The following ZMAT4 variants were observed in gnomAD, a reference collection of about 807,000 sequenced individuals.
ZMAT4 encodes the protein zinc finger matrin-type 4, also known as zinc finger matrin-type protein 4.
In ZMAT4, 17 loss-of-function variants were observed where a neutral mutation model predicts 28.7. The observed-to-expected ratio is 0.59, with a 90% CI of 0.41 to 0.89. The LOEUF is 0.89. ZMAT4 is among the 40% of genes least tolerant of loss of function. ZMAT4 has a pLI of 0.00. For synonymous variants in ZMAT4, 117 were observed against 109.2 expected (o/e 1.07, Z -0.44); for missense variants, 240 against 283.8 (o/e 0.85, Z 1.11).
chr8:40,790,625 G>A (rs1449054176), intron 2 of ZMAT4, among the ~76,000 whole-genome samples: 2 of 152,084 alleles, frequency 1.3e-5, no homozygotes, highest in Non-Finnish European at 2.9e-5. Flanking sequence ...AAACATTGTT[G>A]AGAAAAATTG....
intron 1 of ZMAT4, among the ~76,000 whole-genome samples, chr8:40,846,677 G>A (rs1048124356): frequency 2.0e-5 from 3 of 152,208 alleles, no homozygotes; most frequent in Non-Finnish European, 4.4e-5. Context: ...CTCAGGAACT[G>A]CAGGAGCAGG....
intron 1 of ZMAT4, among the ~76,000 whole-genome samples, chr8:40,875,557 G>A (rs1818013556): frequency 6.6e-6 from 1 of 152,192 alleles, no homozygotes; most frequent in South Asian, 2.1e-4. Context: ...TTCCAAATTG[G>A]AAAGAACAGT....
intron 5 of ZMAT4, among the ~76,000 whole-genome samples, chr8:40,596,196 T>C (rs1045143580): frequency 6.6e-6 from 1 of 152,186 alleles, no homozygotes; most frequent in African/African-American, 2.4e-5. Flanking sequence ...TAGAAGTTGC[T>C]CTGGGTGAGT....
chr8:40,592,842 A>T (rs1254898918), intron 5 of ZMAT4, among the ~76,000 whole-genome samples: 1 of 152,238 alleles, frequency 6.6e-6, no homozygotes, highest in East Asian at 1.9e-4. Flanking sequence ...ATCTTCAGAC[A>T]ACCTTGATTT....
At chr8:40,608,837 T>C (rs1190332468) in intron 5 of ZMAT4, among the ~76,000 whole-genome samples, 1 of 152,192 alleles carries the variant, frequency 6.6e-6, no homozygotes, top group East Asian at 1.9e-4. Context: ...AATCCTCCCA[T>C]GATCTGGACC....
chr8:40,850,510 G>A (rs1817063512), intron 1 of ZMAT4, among the ~76,000 whole-genome samples: 1 of 152,068 alleles, frequency 6.6e-6, no homozygotes, highest in Admixed American at 6.6e-5. Context: ...TCTAACTTCC[G>A]CCCCCCAAAA....
intron 1 of ZMAT4, among the ~76,000 whole-genome samples, chr8:40,862,584 T>TAAAAAAAAAAAAAAAAAAAAAAATAA (rs398007582): frequency 1.8e-5 from 2 of 109,948 alleles, no homozygotes; most frequent in Non-Finnish European, 3.6e-5. Context: ...AAAAAAAAAT[T>TAAAAAAAAAAAAAAAAAAAAAAATAA]AAAAAAAAAA....
intron 2 of ZMAT4, among the ~76,000 whole-genome samples, chr8:40,799,652 T>C (rs1814752379): frequency 1.3e-5 from 2 of 152,246 alleles, no homozygotes; most frequent in East Asian, 1.9e-4. Context: ...AGGAAGAGCA[T>C]GGTTGAGGGT....
At chr8:40,654,457 A>T (rs780263040) in intron 5 of ZMAT4, among the ~76,000 whole-genome samples, 1 of 152,162 alleles carries the variant, frequency 6.6e-6, no homozygotes, top group Non-Finnish European at 1.5e-5. Context: ...TCACAAATTC[A>T]CTATAGGTCT....
chr8:40,697,347 A>G lies in ZMAT4; in HGVS notation c.247T>C (p.Ser83Pro). The change falls in exon 4 of 7, where the codon TCA becomes CCA. Residue 83 changes from serine to proline, a missense_variant. By Grantham distance (74) the Ser-to-Pro change is moderately conservative (BLOSUM62 -1). Coordinates refer to ENST00000297737, the MANE Select transcript of ZMAT4 (RefSeq NM_024645.3). ...KNKCCTLCNM[S>P]FTSAVVADSH... ...TCGGCCACCACCGCTGAAGTGAATG[A>G]CATGTTGCAGAGTGTGCAGCACTTG... 1 of 1,613,836 alleles carries G rather than the reference A, an allele frequency of 6.2e-7. No homozygotes were observed. The highest frequency in any genetic ancestry group is 8.5e-7 in the Non-Finnish European group (1 of 1,179,824).
intron 6 of ZMAT4, among the ~76,000 whole-genome samples, chr8:40,542,955 C>T (rs1261389749): frequency 1.3e-5 from 2 of 152,180 alleles, no homozygotes; most frequent in East Asian, 1.9e-4. Context: ...GTGGCCTGGC[C>T]AACGTCATTG....
chr8:40,626,845 G>A (rs1806399966), intron 5 of ZMAT4, among the ~76,000 whole-genome samples: 1 of 152,208 alleles, frequency 6.6e-6, no homozygotes, highest in African/African-American at 2.4e-5. Flanking sequence ...GCTGCACACA[G>A]AGAAGCTACA....
chr8:40,813,010 A>G (rs1007201950), intron 2 of ZMAT4, among the ~76,000 whole-genome samples: 9 of 151,070 alleles, frequency 6.0e-5, no homozygotes, highest in African/African-American at 2.2e-4. Context: ...TATATATGCT[A>G]TATAATAGTA....
chr8:40,769,069 G>A (rs1387015307), intron 2 of ZMAT4, among the ~76,000 whole-genome samples: 1 of 152,176 alleles, frequency 6.6e-6, no homozygotes, highest in Non-Finnish European at 1.5e-5. Flanking sequence ...AGCAACAAAA[G>A]ACCAAGCTTC....
chr8:40,830,092 T>A (rs984002322), intron 1 of ZMAT4, among the ~76,000 whole-genome samples: 2 of 152,176 alleles, frequency 1.3e-5, no homozygotes, highest in African/African-American at 4.8e-5. Flanking sequence ...CCTTCCTTTC[T>A]GCTTCTTTCT....
At chr8:40,715,164 G>T (rs1810795739) in intron 3 of ZMAT4, among the ~76,000 whole-genome samples, 1 of 152,026 alleles carries the variant, frequency 6.6e-6, no homozygotes, top group Non-Finnish European at 1.5e-5. Context: ...AGCATTCGAA[G>T]TAGAAGGAAC....
intron 5 of ZMAT4, among the ~76,000 whole-genome samples, chr8:40,631,857 C>T (rs1290219522): frequency 6.6e-6 from 1 of 152,188 alleles, no homozygotes; most frequent in Non-Finnish European, 1.5e-5. Flanking sequence ...TGGAATCTTA[C>T]CCTGAGATAT....
At chr8:40,558,701 G>A (rs1418831468) in intron 6 of ZMAT4, among the ~76,000 whole-genome samples, 37 of 152,052 alleles carry the variant, frequency 2.4e-4, no homozygotes, top group Middle Eastern at 3.2e-3. Context: ...TAAATTGAGA[G>A]TCTTGAGTCC....
chr8:40,662,102 G>C (rs2118858519), intron 5 of ZMAT4, among the ~76,000 whole-genome samples: 1 of 152,082 alleles, frequency 6.6e-6, no homozygotes, highest in South Asian at 2.1e-4. Context: ...TCAACCTCCT[G>C]TGTAGCTGGG....
Sources: allele counts gnomAD v4.1 joint callset (sites outside exome capture counted in the v4.1 genomes callset), GRCh38; gene constraint gnomAD v4.1.1; transcripts MANE v1.5; gene names NCBI Gene and HGNC (gene_info 2026-07-23, HGNC 2026-07-21).